CCDC15: variants seen among roughly 807,000 people sequenced by gnomAD.
CCDC15 encodes coiled-coil domain-containing protein 15.
In CCDC15, 105 loss-of-function variants were observed where a neutral mutation model predicts 114.5. That is an observed-to-expected ratio of 0.92 (90% confidence interval 0.78 to 1.08). The LOEUF (loss-of-function observed/expected upper bound fraction) is 1.08, where lower values mean the gene tolerates loss of function less well. CCDC15 is among the 50% of genes least tolerant of loss of function. CCDC15 has a pLI of 0.00. For missense variants in CCDC15, 1,105 were observed against 1,093.6 expected, an observed-to-expected ratio of 1.01 and a Z score of -0.15; for synonymous variants, 334 against 377.8, an observed-to-expected ratio of 0.88 and a Z score of 1.34.
intron 4 of CCDC15, among the ~76,000 whole-genome samples, chr11:124,973,829 C>A (rs1395086630): frequency 1.3e-5 from 2 of 152,004 alleles, no homozygotes; most frequent in Non-Finnish European, 2.9e-5. Flanking sequence ...TCATAACCAT[C>A]ATTTCTCTTC....
chr11:124,975,641 T>C (rs1257658585), intron 5 of CCDC15, among the ~76,000 whole-genome samples: 1 of 151,898 alleles, frequency 6.6e-6, no homozygotes, highest in Non-Finnish European at 1.5e-5. Flanking sequence ...CAAATAAATA[T>C]AGAATATAAT....
chr11:124,979,009 T>C (rs530942334), intron 6 of CCDC15, among the ~76,000 whole-genome samples: 22 of 152,212 alleles, frequency 1.4e-4, no homozygotes, highest in Non-Finnish European at 2.9e-4. Context: ...TTCAATCTTC[T>C]GCATATAGCT....
intron 6 of CCDC15, among the ~76,000 whole-genome samples, chr11:124,985,933 T>A (rs1948150288): frequency 6.6e-6 from 1 of 152,086 alleles, no homozygotes. Context: ...TAATTGTTTA[T>A]CTTGAGATCA....
chr11:125,030,860 T>C (rs1006883635), intron 13 of CCDC15, among the ~76,000 whole-genome samples: 2 of 152,138 alleles, frequency 1.3e-5, no homozygotes, highest in Non-Finnish European at 2.9e-5. Flanking sequence ...ACAGAATGGG[T>C]CATCCTATCC....
Position 125,018,879 on chromosome 11 carries a change from G to A in CCDC15, c.2411+13667G>A, listed in dbSNP as rs564948074. Among the ~76,000 whole-genome samples the A allele has an allele frequency of 3.3e-5, 5 of 152,090 alleles. No individual in the cohort carries two copies. The East Asian group carries it at 9.7e-4, about 29-fold the overall frequency. ...CTGAACTGAGTTTTGAAGGATTTGTGGGGATAGTATAAGACAAAGTGGGAA... is the reference window on the plus strand; with the variant it reads ...CTGAACTGAGTTTTGAAGGATTTGTAGGGATAGTATAAGACAAAGTGGGAA... On this transcript the variant is annotated intron_variant, in intron 13 of 15. Coordinates refer to ENST00000344762, the MANE Select transcript of CCDC15 (RefSeq NM_025004.3).
chr11:125,000,450 G>C (rs1474790164), intron 11 of CCDC15, among the ~76,000 whole-genome samples: 1 of 151,962 alleles, frequency 6.6e-6, no homozygotes, highest in Non-Finnish European at 1.5e-5. Context: ...CTTCTCTCTA[G>C]GTTACCCCCT....
chr11:125,038,321 T>TA, intron 13 of CCDC15, 110 bp from the exon 14 acceptor site: 1 of 713,528 alleles, frequency 1.4e-6, no homozygotes, highest in Non-Finnish European at 2.1e-6. Flanking sequence ...ATTAAACTGA[T>TA]TTCCTGACTC....
At chr11:124,993,137 ACAAT>A (rs1565371141) in intron 10 of CCDC15, 28 bp from the exon 11 acceptor site, 1 of 1,384,698 alleles carries the variant, frequency 7.2e-7, no homozygotes, top group South Asian at 1.2e-5. Context: ...TTCTGCTTAG[ACAAT>A]CAGTTTTGTA....
intron 4 of CCDC15, among the ~76,000 whole-genome samples, chr11:124,968,408 C>T (rs1339507561): frequency 2.0e-5 from 3 of 152,180 alleles, no homozygotes; most frequent in Non-Finnish European, 4.4e-5. Flanking sequence ...AGTTTAATCT[C>T]GGACTGCTGC....
At chr11:124,977,413 A>C in intron 5 of CCDC15, 65 bp from the exon 6 acceptor site, 1 of 1,401,142 alleles carries the variant, frequency 7.1e-7, no homozygotes. Context: ...CAGAAACTCA[A>C]CTTAGTCTCA....
At chr11:124,977,179 G>T (rs1323999359) in intron 5 of CCDC15, among the ~76,000 whole-genome samples, 1 of 152,128 alleles carries the variant, frequency 6.6e-6, no homozygotes, top group African/African-American at 2.4e-5. Context: ...ATACTTGCTT[G>T]TACTCTGGCA....
intron 2 of CCDC15, among the ~76,000 whole-genome samples, chr11:124,957,109 T>C (rs1466786100): frequency 1.3e-5 from 2 of 152,206 alleles, no homozygotes; most frequent in African/African-American, 4.8e-5. Context: ...CCCCAGAACT[T>C]AGTGGTATAA....
intron 4 of CCDC15, among the ~76,000 whole-genome samples, chr11:124,967,944 G>T (rs1947812122): frequency 6.6e-6 from 1 of 152,162 alleles, no homozygotes. Flanking sequence ...GATCCTGTTT[G>T]CCTGGGTATC....
chr11:125,025,039 CAT>C (rs1948687017), intron 13 of CCDC15, among the ~76,000 whole-genome samples: 1 of 27,484 alleles, frequency 3.6e-5, no homozygotes, highest in African/African-American at 1.2e-4. Flanking sequence ...TATATGAATA[CAT>C]ATGAATATAT....
chr11:124,970,156 T>C (rs1947856351), intron 4 of CCDC15, among the ~76,000 whole-genome samples: 1 of 152,216 alleles, frequency 6.6e-6, no homozygotes, highest in South Asian at 2.1e-4. Flanking sequence ...CACAGCTTCA[T>C]AACTTTGGTA....
At chr11:124,996,660 A>G (rs1429387884) in intron 11 of CCDC15, among the ~76,000 whole-genome samples, 3 of 152,140 alleles carry the variant, frequency 2.0e-5, no homozygotes, top group South Asian at 2.1e-4. Flanking sequence ...AGTTTTTTCC[A>G]TCTTGTAAAA....
chr11:124,964,951 T>C (rs1250650087), intron 4 of CCDC15, among the ~76,000 whole-genome samples: 1 of 152,200 alleles, frequency 6.6e-6, no homozygotes, highest in Non-Finnish European at 1.5e-5. Flanking sequence ...GTTTATTGAT[T>C]TGCATTTGTT....
In CCDC15 at chr11:125,040,986, GA is replaced by G; in HGVS notation, c.*276del. The G allele has an allele frequency of 3.5e-6, 1 of 284,606 alleles. No homozygotes were observed. The highest frequency in any genetic ancestry group is 8.6e-5 in the South Asian group (1 of 11,564). The allele number at this position is 284,606 out of a possible 1,614,324, so 17.6% of individuals were successfully genotyped here. Reference sequence around the variant, plus strand: ...GGCTTCTCTTACTTTGCTCTGCTCTGATCAGAAGAGCTCATGTGAAGTCTTT... The same window carrying G: ...GGCTTCTCTTACTTTGCTCTGCTCTGTCAGAAGAGCTCATGTGAAGTCTTT... On this transcript the variant is annotated 3_prime_UTR_variant, in exon 16 of 16. Transcript: ENST00000344762.
chr11:124,992,738 G>A (rs1948293237), intron 10 of CCDC15, 51 bp downstream of exon 10: 2 of 1,038,480 alleles, frequency 1.9e-6, no homozygotes, highest in Admixed American at 4.6e-5. Context: ...AGGGGAACAA[G>A]CCTAAATCAT....
Sources: gnomAD v4.1 joint callset for allele counts (sites outside exome capture counted in the v4.1 genomes callset) on GRCh38, gnomAD v4.1.1 for gene constraint, MANE v1.5 for transcripts, NCBI Gene and HGNC (gene_info 2026-07-23, HGNC 2026-07-21) for gene names.